STARD9: variants seen among roughly 807,000 people sequenced by gnomAD.
STARD9 encodes stAR-related lipid transfer protein 9.
Under a neutral mutation model 399.8 loss-of-function variants are expected in STARD9, and 346 were observed. That is an observed-to-expected ratio of 0.87 (90% CI 0.79 to 0.95). STARD9 has a LOEUF of 0.95. STARD9 is among the 40% of genes least tolerant of loss of function. The pLI is 0.00. For synonymous variants in STARD9, 2,203 were observed against 2,143.5 expected, an observed-to-expected ratio of 1.03 and a Z score of -0.77; for missense variants, 5,832 against 5,667.5, an observed-to-expected ratio of 1.03 and a Z score of -0.93.
At chr15:42,590,379 T>G (rs1566855970) in intron 3 of STARD9, among the ~76,000 whole-genome samples, 1 of 152,182 alleles carries the variant, frequency 6.6e-6, no homozygotes, top group Non-Finnish European at 1.5e-5. Context: ...TTCTTCTTAT[T>G]ACAAAGGAAG....
At chr15:42,709,770 T>C (rs149402274) in intron 26 of STARD9, among the ~76,000 whole-genome samples, 1 of 152,330 alleles carries the variant, frequency 6.6e-6, no homozygotes, top group African/African-American at 2.4e-5. Context: ...TAGTGTCTAC[T>C]GGTGTATCTT....
At position 42,710,200 on chromosome 15, in the gene STARD9, C is replaced by CTTTTGTATTTTTGTTTTCTAG. The variant is rs1413093932; in HGVS notation, c.13285-6477_13285-6476insTTTTGTATTTTTGTTTTCTAG. ...CTCAGCCTCCTGAGTACCTGGAGTA[C>CTTTTGTATTTTTGTTTTCTAG]AGGTGTGCACCACCATGCCCGGGTA... On this transcript the variant is annotated intron_variant, in intron 26 of 32. Coordinates refer to ENST00000290607, the MANE Select transcript of STARD9 (RefSeq NM_020759.3). 4.6e-3 allele frequency among the ~76,000 whole-genome samples: 705 copies of CTTTTGTATTTTTGTTTTCTAG among 151,738 alleles called. 11 individuals carry two copies. Among genetic ancestry groups the CTTTTGTATTTTTGTTTTCTAG allele is most frequent in the African/African-American group, 0.016 (670 of 41,330 alleles).
At chr15:42,619,380 C>G (rs1460596973) in intron 3 of STARD9, among the ~76,000 whole-genome samples, 1 of 151,760 alleles carries the variant, frequency 6.6e-6, no homozygotes, top group Admixed American at 6.6e-5. Flanking sequence ...GCCTGGGCAA[C>G]AAAGTGAGAC....
chr15:42,667,491 AT>A (rs2060125924), intron 15 of STARD9, among the ~76,000 whole-genome samples: 1 of 149,306 alleles, frequency 6.7e-6, no homozygotes. Flanking sequence ...CCTATTTTTT[AT>A]TATTTTGGGA....
chr15:42,649,181 C>T (rs1267917880), intron 7 of STARD9, among the ~76,000 whole-genome samples: 2 of 152,118 alleles, frequency 1.3e-5, no homozygotes, highest in Non-Finnish European at 1.5e-5. Flanking sequence ...AGTCGCGCAC[C>T]ACCACAGCCG....
Position 42,689,772 on chromosome 15 carries a change from G to A in STARD9, c.8194G>A (p.Val2732Ile), listed in dbSNP as rs1432380505. 2 of 1,537,592 alleles carry A rather than the reference G, an allele frequency of 1.3e-6. No homozygotes were observed. The highest frequency in any genetic ancestry group is 1.4e-5 in the African/African-American group (1 of 73,168). ...TCGTTCTTCAGCACCTGTGGAGGAG[G>A]TCAGGAGGGTAGTATCAAAGAAGGT... is the stretch of plus-strand genomic sequence containing the variant. ...SPRSSAPVEE[V>I]RRVVSKKVVA... Residue 2732 changes from valine (V) to isoleucine (I), a missense_variant, in exon 23 of 33, where the codon GTC becomes ATC. Coordinates refer to ENST00000290607, the MANE Select transcript of STARD9 (RefSeq NM_020759.3).
At chr15:42,645,690 G>A (rs543489021) in intron 7 of STARD9, among the ~76,000 whole-genome samples, 24 of 151,802 alleles carry the variant, frequency 1.6e-4, no homozygotes, top group African/African-American at 5.1e-4. Context: ...CCACCCATGC[G>A]CTACCATACC....
At chr15:42,581,368 TC>T in intron 1 of STARD9, 1 of 1,468,906 alleles carries the variant, frequency 6.8e-7, no homozygotes, top group Non-Finnish European at 9.5e-7. Context: ...GAGAAGAGCG[TC>T]CCCTCGGGCG....
intron 7 of STARD9, among the ~76,000 whole-genome samples, chr15:42,649,051 A>G (rs1198995880): frequency 6.6e-6 from 1 of 151,310 alleles, no homozygotes; most frequent in East Asian, 1.9e-4. Flanking sequence ...TTTCTTTGAG[A>G]TGGAGCCTCG....
Position 42,719,663 on chromosome 15 carries a change from A to C in STARD9, c.*89A>C. ...GCAGCTCCTTGTTACTTTCCATACC[A>C]CAGTGCAGGAAAAGCTGATGCTACC... On this transcript the variant is annotated 3_prime_UTR_variant, in exon 33 of 33. Coordinates refer to ENST00000290607, the MANE Select transcript of STARD9 (RefSeq NM_020759.3). 1 of 852,538 alleles carries C rather than the reference A, an allele frequency of 1.2e-6. No individual in the cohort carries two copies. The highest frequency in any genetic ancestry group is 1.8e-6 in the Non-Finnish European group (1 of 544,324). 52.8% of individuals were successfully genotyped at this position (852,538 alleles called of 1,614,324 possible).
intron 26 of STARD9, among the ~76,000 whole-genome samples, chr15:42,704,048 C>T (rs1566960163): frequency 6.6e-6 from 1 of 152,118 alleles, no homozygotes; most frequent in South Asian, 2.1e-4. Context: ...GCTGGGATTA[C>T]AGGCACCTGA....
chr15:42,657,658 A>G (rs546868534), intron 9 of STARD9, among the ~76,000 whole-genome samples: 1 of 152,374 alleles, frequency 6.6e-6, no homozygotes, highest in South Asian at 2.1e-4. Context: ...CATTTTCAGA[A>G]CACTTCATCC....
At chr15:42,709,607 C>T (rs755042281) in intron 26 of STARD9, among the ~76,000 whole-genome samples, 12 of 152,192 alleles carry the variant, frequency 7.9e-5, no homozygotes, top group Non-Finnish European at 1.5e-4. Context: ...ATAGTTTGAA[C>T]CCGGGAGGCG....
At chr15:42,649,862 CTTTTTTTTTTT>C (rs765573235) in intron 7 of STARD9, among the ~76,000 whole-genome samples, 2 of 107,228 alleles carry the variant, frequency 1.9e-5, no homozygotes, top group East Asian at 5.2e-4. Flanking sequence ...CGAGCCTGGC[CTTTTTTTTTTT>C]TTTTTTTTTT....
Position 42,691,988 on chromosome 15 carries a change from G to A in STARD9, c.10410G>A (p.Ala3470=), listed in dbSNP as rs767237678. ...HFGSSDISPY[A]LPWRPEEPAR... is the part of the protein sequence containing the mutation. ...GCTCCAGTGACATCAGTCCCTATGC[G>A]CTGCCGTGGCGTCCGGAGGAGCCTG... Residue 3470 remains alanine, a synonymous_variant, in exon 23 of 33, where the codon GCG becomes GCA. Coordinates refer to ENST00000290607, the MANE Select transcript of STARD9 (RefSeq NM_020759.3). 6.1e-5 allele frequency: 93 copies of A among 1,537,094 alleles called. 1 individual carries two copies. In the South Asian group the frequency reaches 9.0e-4, roughly 15 times the overall value.
chr15:42,697,647 A>G (rs1296318897), intron 26 of STARD9, among the ~76,000 whole-genome samples: 1 of 152,214 alleles, frequency 6.6e-6, no homozygotes, highest in East Asian at 1.9e-4. Context: ...GAGTTGAAAC[A>G]CAGTCAAAAC....
At chr15:42,598,981 T>G (rs537185656) in intron 3 of STARD9, among the ~76,000 whole-genome samples, 199 of 152,298 alleles carry the variant, frequency 1.3e-3, no homozygotes, top group African/African-American at 4.7e-3. Flanking sequence ...TGGAGTGCAG[T>G]GGCACAATCT....
chr15:42,594,995 G>T (rs1383031296), intron 3 of STARD9, among the ~76,000 whole-genome samples: 1 of 152,198 alleles, frequency 6.6e-6, no homozygotes, highest in Non-Finnish European at 1.5e-5. Flanking sequence ...ATGATAACAA[G>T]TGATCTGTTA....
At chr15:42,668,069 G>T (rs2140130264) in intron 15 of STARD9, among the ~76,000 whole-genome samples, 1 of 152,316 alleles carries the variant, frequency 6.6e-6, no homozygotes, top group African/African-American at 2.4e-5. Context: ...AGCTGAGCTG[G>T]ACTTGAACCT....
Sources: gnomAD v4.1 joint callset for allele counts (sites outside exome capture counted in the v4.1 genomes callset) on GRCh38, gnomAD v4.1.1 for gene constraint, MANE v1.5 for transcripts, NCBI Gene and HGNC (gene_info 2026-07-23, HGNC 2026-07-21) for gene names.